Variants in PLEKHA5 observed in about 807,000 individuals in gnomAD.
PLEKHA5 encodes pleckstrin homology domain containing A5.
A neutral mutation model predicts 181.9 loss-of-function variants in PLEKHA5; 55 were observed. The observed-to-expected ratio is 0.30, with a 90% confidence interval of 0.24 to 0.38. The LOEUF (loss-of-function observed/expected upper bound fraction) is 0.38. PLEKHA5 is among the 10% of genes least tolerant of loss of function. PLEKHA5 has a pLI of 1.00. For missense variants in PLEKHA5, 1,432 were observed against 1,549.5 expected (o/e 0.92, Z 1.27); for synonymous variants, 535 against 529.4 (o/e 1.01, Z -0.15).
rs186749522 is a variant in PLEKHA5 at position 19,245,207 on chromosome 12, C to T, written c.228-8733C>T. On this transcript the variant is annotated intron_variant, in intron 3 of 31. Transcript: ENST00000429027. Reference sequence around the variant, plus strand: ...AGAAATCTACTTTTGAATATGCTAGCGCAGATATTTTCTTTGGACCATGTG... The same window carrying T: ...AGAAATCTACTTTTGAATATGCTAGTGCAGATATTTTCTTTGGACCATGTG... Among the ~76,000 whole-genome samples, 7 of 152,242 alleles carry T rather than the reference C, an allele frequency of 4.6e-5. No homozygotes were observed. The East Asian group carries it at 7.7e-4, about 17-fold the overall frequency.
At chr12:19,176,255 A>G (rs1289425596) in intron 3 of PLEKHA5, 9 of 134,716 alleles carry the variant, frequency 6.7e-5, no homozygotes, top group African/African-American at 2.2e-4. Context: ...ATTATTTAAA[A>G]TAAATAAAGT....
At chr12:19,341,870 CACAG>C (rs1353684231) in intron 21 of PLEKHA5, among the ~76,000 whole-genome samples, 1 of 151,872 alleles carries the variant, frequency 6.6e-6, no homozygotes, top group Non-Finnish European at 1.5e-5. Flanking sequence ...TAGCTGGGAC[CACAG>C]ACATACACCA....
intron 20 of PLEKHA5, among the ~76,000 whole-genome samples, chr12:19,331,260 A>G (rs1565626041): frequency 6.6e-6 from 1 of 152,232 alleles, no homozygotes; most frequent in Non-Finnish European, 1.5e-5. Context: ...TTGTGTAACC[A>G]TTCCCTTGAG....
intron 5 of PLEKHA5, among the ~76,000 whole-genome samples, 158 bp downstream of exon 5, chr12:19,255,323 G>GT (rs2066566218): frequency 6.6e-6 from 1 of 152,030 alleles, no homozygotes; most frequent in Non-Finnish European, 1.5e-5. Context: ...GAAATACAAA[G>GT]TAATAAGATT....
At chr12:19,222,776 T>C (rs1182949666) in intron 3 of PLEKHA5, among the ~76,000 whole-genome samples, 2 of 152,004 alleles carry the variant, frequency 1.3e-5, no homozygotes, top group East Asian at 1.9e-4. Context: ...ATATGTGCAG[T>C]TGGTGAAGTG....
intron 25 of PLEKHA5, among the ~76,000 whole-genome samples, chr12:19,351,404 T>G (rs1238745335): frequency 6.6e-6 from 1 of 152,170 alleles, no homozygotes; most frequent in African/African-American, 2.4e-5. Flanking sequence ...TTTAGCTTTT[T>G]TTTAAGCATA....
At chr12:19,231,219 T>G (rs1391318237) in intron 3 of PLEKHA5, among the ~76,000 whole-genome samples, 11 of 152,142 alleles carry the variant, frequency 7.2e-5, no homozygotes, top group African/African-American at 2.2e-4. Context: ...ATCATATGTT[T>G]AATTCTATTC....
At position 19,307,059 on chromosome 12, in the gene PLEKHA5, G is replaced by A. The variant is rs907653303; in HGVS notation, c.2038-7755G>A. ...CGCTTGGGCTTCCTGGAGCAAACTT[G>A]AACTCAATCTGTTGCCACAGATAGT... is the stretch of plus-strand genomic sequence containing the variant. On this transcript the variant is annotated intron_variant, in intron 15 of 31. Transcript: ENST00000429027. The A allele has an allele frequency of 2.4e-5, 34 of 1,400,054 alleles. No individual in the cohort carries two copies. The African/African-American group carries it at 3.6e-4, about 15-fold the overall frequency. The allele number at this position is 1,400,054 out of a possible 1,614,324, so 86.7% of individuals were successfully genotyped here.
chr12:19,162,585 AAAG>A (rs1013951572), intron 3 of PLEKHA5, among the ~76,000 whole-genome samples: 22 of 152,088 alleles, frequency 1.4e-4, no homozygotes, highest in African/African-American at 5.3e-4. Flanking sequence ...AAAAAAAAAA[AAAG>A]AGTTGGGGGC....
At chr12:19,357,553 C>T (rs1211000532) in intron 26 of PLEKHA5, among the ~76,000 whole-genome samples, 1 of 151,634 alleles carries the variant, frequency 6.6e-6, no homozygotes, top group African/African-American at 2.4e-5. Flanking sequence ...GCCTGCCCTG[C>T]CCTTTTATGG....
intron 15 of PLEKHA5, chr12:19,306,971 C>T: frequency 7.3e-7 from 1 of 1,370,630 alleles, no homozygotes; most frequent in Non-Finnish European, 1.0e-6. Flanking sequence ...AACCCACTTA[C>T]TCAGACTGGC....
chr12:19,342,699 C>T (rs2094033283), intron 21 of PLEKHA5, among the ~76,000 whole-genome samples: 1 of 152,044 alleles, frequency 6.6e-6, no homozygotes, highest in African/African-American at 2.4e-5. Context: ...ATCACTTGCG[C>T]CCAGGAGGCA....
At chr12:19,319,965 T>C in intron 16 of PLEKHA5, 56 bp from the exon 17 acceptor site, 1 of 1,184,800 alleles carries the variant, frequency 8.4e-7, no homozygotes, top group Admixed American at 2.8e-5. Context: ...TTATAAGATT[T>C]CGAATGATTT....
chr12:19,305,882 AAAC>A (rs1338045788), intron 15 of PLEKHA5, among the ~76,000 whole-genome samples: 2 of 149,280 alleles, frequency 1.3e-5, no homozygotes, highest in Non-Finnish European at 3.0e-5. Context: ...AAAAAAAAAA[AAAC>A]AACTATGAAG....
intron 10 of PLEKHA5, among the ~76,000 whole-genome samples, chr12:19,271,486 G>A (rs552950193): frequency 2.0e-5 from 3 of 152,086 alleles, no homozygotes; most frequent in African/African-American, 7.2e-5. Context: ...CCTAGACAAC[G>A]GAGTGAGACC....
At chr12:19,223,216 C>G (rs188950168) in intron 3 of PLEKHA5, among the ~76,000 whole-genome samples, 67 of 152,156 alleles carry the variant, frequency 4.4e-4, no homozygotes, top group African/African-American at 1.6e-3. Flanking sequence ...CTCTGTTATT[C>G]AAGCATACAT....
intron 15 of PLEKHA5, among the ~76,000 whole-genome samples, chr12:19,310,020 G>A (rs2085860528): frequency 6.6e-6 from 1 of 152,084 alleles, no homozygotes; most frequent in Admixed American, 6.6e-5. Flanking sequence ...TGTAATGCCT[G>A]AATCATACAT....
intron 3 of PLEKHA5, among the ~76,000 whole-genome samples, chr12:19,177,140 A>C (rs923223168): frequency 1.3e-5 from 2 of 152,218 alleles, no homozygotes; most frequent in African/African-American, 4.8e-5. Context: ...TACTGGAATT[A>C]CAGGTGTGAG....
At position 19,213,395 on chromosome 12, in the gene PLEKHA5, A is replaced by G. The variant is rs148997701; in HGVS notation, c.228-40545A>G. ...AGACCAAAAGATTATAGATGTCTTC[A>G]AGGAACAGGTCCTTCAGTGCTGCTA... is the stretch of plus-strand genomic sequence containing the variant. On this transcript the variant is annotated intron_variant, in intron 3 of 31. Transcript: ENST00000429027. 5.7e-3 allele frequency among the ~76,000 whole-genome samples: 874 copies of G among 152,288 alleles called. 5 individuals are homozygous for G. The highest frequency in any genetic ancestry group is 0.02 in the African/African-American group (817 of 41,556).
Sources: gnomAD v4.1 joint callset for allele counts (sites outside exome capture counted in the v4.1 genomes callset) on GRCh38, gnomAD v4.1.1 for gene constraint, MANE v1.5 for transcripts, NCBI Gene and HGNC (gene_info 2026-07-23, HGNC 2026-07-21) for gene names.